The following CDH4 variants were observed in gnomAD, a reference collection of about 807,000 sequenced individuals.
CDH4 encodes the protein cadherin 4.
CDH4 carries 33 observed loss-of-function variants against 86.0 expected under a neutral mutation model. The ratio of observed to expected loss-of-function variants is 0.38; its 90% CI spans 0.29 to 0.51. The LOEUF is 0.51. Ranked by LOEUF, CDH4 falls within the 20% of genes least tolerant of loss-of-function variation. The pLI, the probability that CDH4 is intolerant of heterozygous loss-of-function variation, is 0.86. For synonymous variants in CDH4, 555 were observed against 549.4 expected (o/e 1.01, Z -0.14); for missense variants, 1,114 against 1,307.4 (o/e 0.85, Z 2.28).
intron 2 of CDH4, among the ~76,000 whole-genome samples, chr20:61,289,377 T>A (rs978736025): frequency 6.6e-6 from 1 of 152,222 alleles, no homozygotes; most frequent in Admixed American, 6.5e-5. Context: ...AGGCTAAGTC[T>A]TCTAGCCCTG....
chr20:61,565,146 TTGGTAGTGGTCCTCTTGGTGA>T (rs1440179231), intron 2 of CDH4, among the ~76,000 whole-genome samples: 7 of 93,320 alleles, frequency 7.5e-5, no homozygotes, highest in Non-Finnish European at 1.3e-4. Flanking sequence ...CCTCTTGGTG[TTGGTAGTGGTCCTCTTGGTGA>T]TGGGGTGGTG....
intron 13 of CDH4, among the ~76,000 whole-genome samples, chr20:61,930,275 G>T (rs553047345): frequency 7.1e-4 from 108 of 152,344 alleles, no homozygotes; most frequent in African/African-American, 2.5e-3. Flanking sequence ...GCACACCTTG[G>T]AGCCAATCAC....
At position 61,269,866 on chromosome 20, in the gene CDH4, G is replaced by A. The variant is rs1161788916; in HGVS notation, c.169+14929G>A. On this transcript the variant is annotated intron_variant, in intron 2 of 15. Transcript: ENST00000614565. The surrounding 1 kb of genome is among the most constrained non-coding windows in gnomAD (Gnocchi z 5.3). ...GCATGACCGGACCTCCAGAGCCAGT[G>A]GTACTCATTTCCACATGGCCCCGGC... 6.6e-6 allele frequency among the ~76,000 whole-genome samples: 1 copy of A among 152,122 alleles called. No individual in the cohort carries two copies. Among genetic ancestry groups the A allele is most frequent in the Admixed American group, 6.5e-5 (1 of 15,276 alleles).
chr20:61,841,271 G>A (rs1329017023), intron 4 of CDH4, among the ~76,000 whole-genome samples: 1 of 152,192 alleles, frequency 6.6e-6, no homozygotes, highest in Non-Finnish European at 1.5e-5. Context: ...CAGCGCTCCC[G>A]GACGGCGGGG....
At chr20:61,832,765 G>A (rs769986836) in intron 4 of CDH4, among the ~76,000 whole-genome samples, 1 of 152,106 alleles carries the variant, frequency 6.6e-6, no homozygotes, top group African/African-American at 2.4e-5. Flanking sequence ...ATGAGATTCG[G>A]GTGGGGACAC....
In CDH4 at chr20:61,393,350, G is replaced by GGC. The variant is rs1004552702; in HGVS notation, c.169+138413_169+138414insGC. Among the ~76,000 whole-genome samples the GGC allele has an allele frequency of 2.0e-5, 3 of 152,100 alleles. No individual in the cohort carries two copies. The highest frequency in any genetic ancestry group is 6.6e-5 in the Admixed American group (1 of 15,266). ...GTGTGGGGGACAGCAGCCGGGGGGG[G>GGC]CCGGGGTCTTCCTTACCTCCTAGCT... On this transcript the variant is annotated intron_variant, in intron 2 of 15. Coordinates refer to ENST00000614565, the MANE Select transcript of CDH4 (RefSeq NM_001794.5). This position sits in a 1 kb window ranked among gnomAD's most constrained non-coding sequence, Gnocchi z 4.3.
chr20:61,444,755 G>A (rs564004951), intron 2 of CDH4, among the ~76,000 whole-genome samples: 1 of 151,868 alleles, frequency 6.6e-6, no homozygotes, highest in African/African-American at 2.4e-5. Context: ...GTGTGTCTGT[G>A]TATATTTGTG....
chr20:61,929,159 C>CTT (rs11474756), intron 12 of CDH4, among the ~76,000 whole-genome samples: 74,559 of 148,436 alleles, frequency 0.5, 20,973 homozygotes, highest in East Asian at 0.83. Context: ...TCTCCAATGT[C>CTT]TTTTTTTTTT....
chr20:61,730,386 A>G (rs2088164507), intron 2 of CDH4, among the ~76,000 whole-genome samples: 1 of 152,068 alleles, frequency 6.6e-6, no homozygotes, highest in Admixed American at 6.5e-5. Context: ...TCAGAATGTC[A>G]TGGAGTTGGA....
rs1429380885 is a variant in CDH4 at position 61,784,771 on chromosome 20, C to T, written c.576+11589C>T. ...CCAGGAGAATGTAAGCCCAGTTCCT[C>T]GGAACAGTTCTCCAGGCCCTCAGAT... On this transcript the variant is annotated intron_variant, in intron 4 of 15. Transcript: ENST00000614565. Among the ~76,000 whole-genome samples the T allele has an allele frequency of 2.1e-5, 3 of 141,096 alleles. 1 individual carries two copies. The highest frequency in any genetic ancestry group is 8.6e-5 in the African/African-American group (3 of 34,978). 92.6% of individuals were successfully genotyped at this position (141,096 alleles called of 152,430 possible).
intron 2 of CDH4, among the ~76,000 whole-genome samples, chr20:61,629,252 C>T (rs34687768): frequency 0.018 from 2,817 of 152,292 alleles, 34 homozygotes; most frequent in Non-Finnish European, 0.028. Context: ...TGGCTCTGTG[C>T]ACCCAGCCCA....
At chr20:61,386,377 G>A (rs144549725) in intron 2 of CDH4, among the ~76,000 whole-genome samples, 2 of 152,292 alleles carry the variant, frequency 1.3e-5, no homozygotes, top group East Asian at 1.9e-4. Context: ...CATTGGATAA[G>A]TGGATTCTCA....
Position 61,459,512 on chromosome 20 carries a change from G to A in CDH4, c.169+204575G>A, listed in dbSNP as rs139378504. On this transcript the variant is annotated intron_variant, in intron 2 of 15. Transcript: ENST00000614565. The stretch of plus-strand genomic sequence containing the variant: ...AGTGTTGGCCATTCACCAAGCTCTC[G>A]GAGGATTCCCACAGCAGCTGAGGCC... Among the ~76,000 whole-genome samples, 382 of 150,888 alleles carry A rather than the reference G, an allele frequency of 2.5e-3. 2 individuals carry two copies. The highest frequency in any genetic ancestry group is 4.2e-3 in the Non-Finnish European group (283 of 67,792).
chr20:61,901,682 G>A (rs748846817), intron 8 of CDH4, among the ~76,000 whole-genome samples: 3 of 152,264 alleles, frequency 2.0e-5, no homozygotes, highest in Non-Finnish European at 4.4e-5. Flanking sequence ...ACCCAACGCC[G>A]GGTGGCTGGG....
rs114299362 is a variant in CDH4 at position 61,400,047 on chromosome 20, C to T, written c.169+145110C>T. Among the ~76,000 whole-genome samples, 153 of 152,292 alleles carry T rather than the reference C, an allele frequency of 1.0e-3. 1 individual carries two copies. Among genetic ancestry groups the T allele is most frequent in the African/African-American group, 3.1e-3 (128 of 41,574 alleles). Reference sequence around the variant, plus strand: ...CAGTCCCCCTTACAGCTGGGCAGCACGTTTTGGGACAACTCTCCCACAAGT... The same window carrying T: ...CAGTCCCCCTTACAGCTGGGCAGCATGTTTTGGGACAACTCTCCCACAAGT... On this transcript the variant is annotated intron_variant, in intron 2 of 15. Transcript: ENST00000614565.
At chr20:61,888,127 GGGGGAGC>G (rs1405364147) in intron 7 of CDH4, among the ~76,000 whole-genome samples, 1 of 152,212 alleles carries the variant, frequency 6.6e-6, no homozygotes, top group Non-Finnish European at 1.5e-5. Flanking sequence ...TCCGTTTCCT[GGGGGAGC>G]GGGGACTGAA....
At chr20:61,426,231 A>T (rs1251172377) in intron 2 of CDH4, among the ~76,000 whole-genome samples, 1 of 152,140 alleles carries the variant, frequency 6.6e-6, no homozygotes, top group Non-Finnish European at 1.5e-5. Context: ...TCATTTTTTG[A>T]CGCAGCCAGG....
chr20:61,670,513 A>G (rs1427404506), intron 2 of CDH4, among the ~76,000 whole-genome samples: 1 of 152,220 alleles, frequency 6.6e-6, no homozygotes, highest in African/African-American at 2.4e-5. Flanking sequence ...AAATGGACCA[A>G]GATAACAAAG....
intron 2 of CDH4, among the ~76,000 whole-genome samples, chr20:61,640,684 G>T (rs927284479): frequency 6.6e-6 from 1 of 152,150 alleles, no homozygotes; most frequent in Non-Finnish European, 1.5e-5. Flanking sequence ...GGAATTTGCT[G>T]GCAGAGAATT....
Sources: allele counts gnomAD v4.1 joint callset (sites outside exome capture counted in the v4.1 genomes callset), GRCh38; gene constraint gnomAD v4.1.1; non-coding constraint Gnocchi (gnomAD v3.1); transcripts MANE v1.5; gene names NCBI Gene and HGNC (gene_info 2026-07-23, HGNC 2026-07-21).